Variants in DENND2B observed in about 807,000 individuals in gnomAD.
DENND2B encodes DENN domain-containing protein 2B.
DENND2B carries 32 observed loss-of-function variants against 116.0 expected under a neutral mutation model. That is an observed-to-expected ratio of 0.28 (90% CI 0.21 to 0.37). The LOEUF is 0.37. Ranked by LOEUF, DENND2B falls within the 10% of genes least tolerant of loss-of-function variation. The pLI, the probability that DENND2B is intolerant of heterozygous loss-of-function variation, is 1.00. For missense variants in DENND2B, 1,276 were observed against 1,477.7 expected, an observed-to-expected ratio of 0.86 and a Z score of 2.24; for synonymous variants, 588 against 583.9, an observed-to-expected ratio of 1.01 and a Z score of -0.10.
intron 4 of DENND2B, among the ~76,000 whole-genome samples, chr11:8,838,481 C>T (rs1306110747): frequency 1.3e-5 from 2 of 152,190 alleles, no homozygotes; most frequent in African/African-American, 4.8e-5. Context: ...AGAATCAAAA[C>T]AGTTTACTGC....
At chr11:8,871,821 T>C (rs183723607), upstream of DENND2B, among the ~76,000 whole-genome samples, 1 of 152,336 alleles carries the variant, frequency 6.6e-6, no homozygotes, top group Admixed American at 6.5e-5. Flanking sequence ...CTGTGATTTA[T>C]TAGTGGAATT....
intron 2 of DENND2B, among the ~76,000 whole-genome samples, chr11:8,744,598 G>A (rs2050891178): frequency 6.6e-6 from 1 of 152,186 alleles, no homozygotes; most frequent in Non-Finnish European, 1.5e-5. Context: ...AAGAAAAGAT[G>A]AGTCAGAGAG....
At chr11:8,874,795 T>A (rs554233297), upstream of DENND2B, among the ~76,000 whole-genome samples, 12 of 151,958 alleles carry the variant, frequency 7.9e-5, no homozygotes, top group South Asian at 1.0e-3. Context: ...GTGGTTTATG[T>A]ACACCTCTAG....
At chr11:8,717,673 C>A in intron 5 of DENND2B, 68 bp downstream of exon 5, 1 of 1,470,390 alleles carries the variant, frequency 6.8e-7, no homozygotes, top group South Asian at 1.5e-5. Context: ...GGGCCCAAGT[C>A]TTGGAAGAGC....
rs114496515 is a variant in DENND2B at position 8,758,397 on chromosome 11, G to A, written c.-25-7672C>T. 8.6e-3 allele frequency among the ~76,000 whole-genome samples: 1,305 copies of A among 152,180 alleles called. 27 individuals carry two copies. Among genetic ancestry groups the A allele is most frequent in the African/African-American group, 0.031 (1,274 of 41,498 alleles). On this transcript the variant is annotated intron_variant, in intron 1 of 19. Coordinates refer to ENST00000313726, the MANE Select transcript of DENND2B (RefSeq NM_213618.2). ...ACCAATGGCTCATCTAAGCCATTTCGTCAGTCTCCAGGTGTGCTCCGTCTT... is the reference window on the plus strand; with the variant it reads ...ACCAATGGCTCATCTAAGCCATTTCATCAGTCTCCAGGTGTGCTCCGTCTT...
At chr11:8,873,710 C>T (rs980678885), upstream of DENND2B, among the ~76,000 whole-genome samples, 1 of 152,210 alleles carries the variant, frequency 6.6e-6, no homozygotes, top group Non-Finnish European at 1.5e-5. Context: ...CTAATAATTA[C>T]ATCCTATCTG....
intron 3 of DENND2B, among the ~76,000 whole-genome samples, chr11:8,847,415 A>T (rs1484916733): frequency 1.3e-5 from 2 of 152,262 alleles, no homozygotes; most frequent in African/African-American, 4.8e-5. Context: ...TAACGAACAT[A>T]AAGTGGGATC....
At chr11:8,773,630 G>C (rs1326823816) in intron 1 of DENND2B, among the ~76,000 whole-genome samples, 1 of 152,164 alleles carries the variant, frequency 6.6e-6, no homozygotes, top group African/African-American at 2.4e-5. Flanking sequence ...GCCCAGTCCA[G>C]CAGAGCTGAG....
intron 4 of DENND2B, among the ~76,000 whole-genome samples, chr11:8,720,924 C>T (rs2046055489): frequency 6.6e-6 from 1 of 152,154 alleles, no homozygotes; most frequent in Non-Finnish European, 1.5e-5. Context: ...ATGGGAGATT[C>T]AGCAGGGGCA....
At chr11:8,726,332 A>G in intron 3 of DENND2B, 123 bp from the exon 4 acceptor site, 1 of 1,329,568 alleles carries the variant, frequency 7.5e-7, no homozygotes, top group Non-Finnish European at 1.0e-6. Context: ...CTGAAAGAGC[A>G]TCAAGGTGGG....
At chr11:8,792,728 C>T (rs558914918) in intron 1 of DENND2B, among the ~76,000 whole-genome samples, 2 of 152,088 alleles carry the variant, frequency 1.3e-5, no homozygotes, top group Non-Finnish European at 2.9e-5. Flanking sequence ...ATAAGAAATC[C>T]TTTTTCACCT....
chr11:8,864,727 A>G (rs2063519777), intron 2 of DENND2B, among the ~76,000 whole-genome samples: 2 of 152,246 alleles, frequency 1.3e-5, no homozygotes, highest in Non-Finnish European at 2.9e-5. Context: ...GACACAAGAA[A>G]GGAAAAGTAT....
At chr11:8,847,058 C>A (rs2062840623) in intron 3 of DENND2B, among the ~76,000 whole-genome samples, 1 of 152,226 alleles carries the variant, frequency 6.6e-6, no homozygotes, top group African/African-American at 2.4e-5. Context: ...ATTCTGAATT[C>A]TTGGGTCTTT....
Position 8,748,531 on chromosome 11 carries a change from T to C in DENND2B, c.80+2090A>G, listed in dbSNP as rs556195285. Reference sequence around the variant, plus strand: ...CAGATCACAATGTCTAAATAATACCTACACCCCAGGGGTAGTCTCTGAGAG... The same window carrying C: ...CAGATCACAATGTCTAAATAATACCCACACCCCAGGGGTAGTCTCTGAGAG... On this transcript the variant is annotated intron_variant, in intron 2 of 19. Transcript: ENST00000313726. Among the ~76,000 whole-genome samples, 8 of 151,650 alleles carry C rather than the reference T, an allele frequency of 5.3e-5. No individual in the cohort carries two copies. In the East Asian group the frequency reaches 1.6e-3, roughly 29 times the overall value.
intron 1 of DENND2B, among the ~76,000 whole-genome samples, chr11:8,793,596 C>A (rs1222050697): frequency 6.6e-6 from 1 of 152,198 alleles, no homozygotes; most frequent in Non-Finnish European, 1.5e-5. Context: ...ATTGTTTGTA[C>A]ATTTTGTTTA....
At chr11:8,739,109 G>A (rs2049691675) in intron 2 of DENND2B, among the ~76,000 whole-genome samples, 1 of 152,246 alleles carries the variant, frequency 6.6e-6, no homozygotes, top group South Asian at 2.1e-4. Flanking sequence ...TGTGTTGAAT[G>A]ACTAAATGAA....
chr11:8,767,662 A>G (rs1174764410), intron 1 of DENND2B, among the ~76,000 whole-genome samples: 1 of 152,176 alleles, frequency 6.6e-6, no homozygotes, highest in Non-Finnish European at 1.5e-5. Flanking sequence ...GGACTCACTC[A>G]TTCCGCAAGT....
In DENND2B at chr11:8,712,675, G is replaced by A. The variant is rs1166106915; in HGVS notation, c.2048C>T (p.Thr683Met). The A allele has an allele frequency of 6.2e-7, 1 of 1,609,684 alleles. No individual in the cohort carries two copies. Among genetic ancestry groups the A allele is most frequent in the Non-Finnish European group, 8.5e-7 (1 of 1,178,426 alleles). Residue 683 changes from threonine (T) to methionine (M), a missense_variant, in exon 9 of 20, where the codon ACG (threonine) becomes ATG (methionine). Thr to Met is a moderately conservative substitution (Grantham distance 81). Around this residue, in one of 2 missense-constraint regions of DENND2B, gnomAD observed 420 missense variants for 631.1 expected, o/e 0.67. Coordinates refer to ENST00000313726, the MANE Select transcript of DENND2B (RefSeq NM_213618.2). This position sits in a 1 kb window ranked among gnomAD's most constrained non-coding sequence, Gnocchi z 4.4. ...SMLKRAPSYR[T>M]LELELLEWQE... ...CCACTCCAGCAGCTCCAGCTCCAGC[G>A]TGCGATAGCTGGGGGCGCGCTTCAG...
rs2043937083 is a variant in DENND2B at position 8,712,483 on chromosome 11, G to C, written c.2172+68C>G. The C allele has an allele frequency of 9.5e-6, 14 of 1,473,792 alleles. No individual in the cohort carries two copies. In the South Asian group the frequency reaches 1.6e-4, roughly 17 times the overall value. 91.3% of individuals were successfully genotyped at this position (1,473,792 alleles called of 1,614,324 possible). On this transcript the variant is annotated intron_variant, in intron 9 of 19. Coordinates refer to ENST00000313726, the MANE Select transcript of DENND2B (RefSeq NM_213618.2). This position sits in a 1 kb window ranked among gnomAD's most constrained non-coding sequence, Gnocchi z 4.4. ...CGAACAAGATCTCTCTCCTTCCCCA[G>C]ATAGGCCTGGCGGATAGAGGATGGA... is the stretch of plus-strand genomic sequence containing the variant.
Sources: gnomAD v4.1 joint callset for allele counts (sites outside exome capture counted in the v4.1 genomes callset) on GRCh38, gnomAD v4.1.1 for gene constraint, gnomAD v4.1.1 regional missense constraint, Gnocchi (gnomAD v3.1) non-coding constraint, MANE v1.5 for transcripts, NCBI Gene and HGNC (gene_info 2026-07-23, HGNC 2026-07-21) for gene names.